Variants in MYO1D observed in about 807,000 individuals in gnomAD.
The protein encoded by MYO1D is myosin ID, also known as unconventional myosin-Id.
A neutral mutation model predicts 122.0 loss-of-function variants in MYO1D; 83 were observed. The ratio of observed to expected loss-of-function variants is 0.68; its 90% CI spans 0.57 to 0.82. The LOEUF is 0.82. MYO1D is among the 40% of genes least tolerant of loss of function. MYO1D has a pLI of 0.00. For missense variants in MYO1D, 1,157 were observed against 1,269.5 expected (o/e 0.91, Z 1.35); for synonymous variants, 464 against 446.9 (o/e 1.04, Z -0.48).
Position 32,653,875 on chromosome 17 carries a change from TG to T in MYO1D, c.2562del (p.Tyr854Ter), listed in dbSNP as rs1567931517. The T allele has an allele frequency of 6.2e-7, 1 of 1,613,992 alleles. No individual in the cohort carries two copies. Among genetic ancestry groups the T allele is most frequent in the Admixed American group, 1.7e-5 (1 of 60,022 alleles). On this transcript the variant is annotated frameshift_variant, in exon 19 of 22. Transcript: ENST00000318217. LOFTEE classifies it high-confidence loss of function. ...ACGTGACAGGAAAAGAGGACATTCATGTATTTGTCCTTCCGTTTCAATTCAT... is the reference window on the plus strand; with the variant it reads ...ACGTGACAGGAAAAGAGGACATTCATTATTTGTCCTTCCGTTTCAATTCAT... Reference protein sequence around the residue: ...VANELKRKDKYMNVLFSCHVR... With the variant: ...VANELKRKDKXMNVLFSCHVR...
chr17:32,747,988 G>T (rs972160181), intron 12 of MYO1D, among the ~76,000 whole-genome samples: 1 of 152,138 alleles, frequency 6.6e-6, no homozygotes, highest in Non-Finnish European at 1.5e-5. Flanking sequence ...CCTCTCTACA[G>T]GAACCTCCAG....
At chr17:32,694,919 T>A (rs1351178206) in intron 16 of MYO1D, among the ~76,000 whole-genome samples, 1 of 152,138 alleles carries the variant, frequency 6.6e-6, no homozygotes, top group Non-Finnish European at 1.5e-5. Flanking sequence ...TCCAGGACTC[T>A]ATGGTGGAAA....
At chr17:32,696,408 T>C (rs946633777) in intron 16 of MYO1D, among the ~76,000 whole-genome samples, 2 of 152,126 alleles carry the variant, frequency 1.3e-5, no homozygotes, top group Admixed American at 1.3e-4. Context: ...ATGGACAGTA[T>C]AATGTGGAAA....
chr17:32,677,369 A>G (rs2088827686), intron 16 of MYO1D, among the ~76,000 whole-genome samples: 1 of 152,108 alleles, frequency 6.6e-6, no homozygotes, highest in African/African-American at 2.4e-5. Context: ...TGAAATGCCC[A>G]CTAAAGCTCT....
intron 21 of MYO1D, among the ~76,000 whole-genome samples, chr17:32,554,778 C>A (rs984181560): frequency 2.0e-5 from 3 of 152,140 alleles, no homozygotes; most frequent in African/African-American, 7.2e-5. Flanking sequence ...GAAACACGTA[C>A]AAATCACAGG....
At chr17:32,751,028 G>A (rs1398183479) in intron 11 of MYO1D, among the ~76,000 whole-genome samples, 1 of 152,090 alleles carries the variant, frequency 6.6e-6, no homozygotes, top group Non-Finnish European at 1.5e-5. Context: ...TTTGGATACT[G>A]CAAAGTTGCA....
intron 20 of MYO1D, among the ~76,000 whole-genome samples, chr17:32,631,565 T>C (rs1192502449): frequency 6.6e-6 from 1 of 152,054 alleles, no homozygotes; most frequent in Non-Finnish European, 1.5e-5. Context: ...CAGGAATGCT[T>C]GATCCCAGGA....
At chr17:32,809,275 C>T (rs1174877773) in intron 1 of MYO1D, among the ~76,000 whole-genome samples, 4 of 151,962 alleles carry the variant, frequency 2.6e-5, no homozygotes, top group Non-Finnish European at 5.9e-5. Context: ...TGTGTCACCA[C>T]ACCCAACTAA....
At chr17:32,806,168 G>A (rs1469100803) in intron 1 of MYO1D, among the ~76,000 whole-genome samples, 1 of 152,094 alleles carries the variant, frequency 6.6e-6, no homozygotes, top group Non-Finnish European at 1.5e-5. Context: ...TTGAGCAGAA[G>A]AATCACTTGA....
rs369956450 is a variant in MYO1D, at chr17:32,764,887, G to C, written c.1026C>G (p.Ala342=). 77 of 1,614,056 alleles carry C rather than the reference G, an allele frequency of 4.8e-5. 1 individual carries two copies. In the African/African-American group the frequency reaches 9.5e-4, roughly 20 times the overall value. ...TCAGTTACACTCTCACCTTGGCAAA[G>C]GCGTCTCTGCCGTAGCTGGCCTCTT... The part of the protein sequence containing the change: ...TEQEASYGRD[A]FAKAIYERLF... The change falls in exon 8 of 22, where the codon GCC becomes GCG. Residue 342 remains alanine (A), a synonymous_variant. Coordinates refer to ENST00000318217, the MANE Select transcript of MYO1D (RefSeq NM_015194.3).
chr17:32,645,140 T>G (rs1290545946), intron 19 of MYO1D, among the ~76,000 whole-genome samples: 1 of 152,226 alleles, frequency 6.6e-6, no homozygotes, highest in Non-Finnish European at 1.5e-5. Context: ...TTTGCTTGTC[T>G]GTAAAGTATT....
intron 21 of MYO1D, chr17:32,594,129 TC>T (rs1329175628): frequency 1.3e-5 from 2 of 154,158 alleles, no homozygotes; most frequent in African/African-American, 4.8e-5. Context: ...TTAAAAAAGG[TC>T]ATCATGATAA....
intron 1 of MYO1D, among the ~76,000 whole-genome samples, chr17:32,834,284 C>T (rs2090801140): frequency 6.6e-6 from 1 of 152,142 alleles, no homozygotes; most frequent in African/African-American, 2.4e-5. Context: ...ATTCATTATT[C>T]CAGTCACTGG....
At chr17:32,631,692 T>C (rs2088009313) in intron 20 of MYO1D, among the ~76,000 whole-genome samples, 1 of 152,012 alleles carries the variant, frequency 6.6e-6, no homozygotes, top group East Asian at 1.9e-4. Context: ...AATTTAAATA[T>C]GTACTGAATA....
intron 7 of MYO1D, among the ~76,000 whole-genome samples, chr17:32,766,807 C>CAAAAAAAA (rs1404877386): frequency 1.3e-5 from 2 of 151,394 alleles, no homozygotes; most frequent in South Asian, 4.2e-4. Context: ...GAAAACAAAA[C>CAAAAAAAA]AACAAAAAAT....
chr17:32,548,121 C>G (rs2086980381), intron 21 of MYO1D, among the ~76,000 whole-genome samples: 1 of 151,848 alleles, frequency 6.6e-6, no homozygotes, highest in African/African-American at 2.4e-5. Context: ...TGGCTCTGGC[C>G]AAAAGTTTGT....
intron 21 of MYO1D, among the ~76,000 whole-genome samples, chr17:32,497,448 C>T (rs1909161446): frequency 6.6e-6 from 1 of 152,112 alleles, no homozygotes; most frequent in Non-Finnish European, 1.5e-5. Flanking sequence ...CAGAGTGAGA[C>T]CTTGTCTCTA....
At chr17:32,541,735 T>C (rs528705096) in intron 21 of MYO1D, among the ~76,000 whole-genome samples, 2 of 152,180 alleles carry the variant, frequency 1.3e-5, no homozygotes, top group African/African-American at 4.8e-5. Flanking sequence ...AGGTACTCGA[T>C]GTGTGCATTC....
rs144351981 is a variant in MYO1D, at chr17:32,845,657, G to A, written c.95+31121C>T. On this transcript the variant is annotated intron_variant, in intron 1 of 21. Transcript: ENST00000318217. ...TCAATACAGTAGCCACGAGCCACATGTGGCTATTAAACTTAAATTAAAGGG... is the reference window on the plus strand; with the variant it reads ...TCAATACAGTAGCCACGAGCCACATATGGCTATTAAACTTAAATTAAAGGG... Among the ~76,000 whole-genome samples the A allele has an allele frequency of 1.1e-3, 168 of 152,320 alleles. 1 individual carries two copies. In the East Asian group the frequency reaches 0.02, roughly 18 times the overall value.
Sources: allele counts gnomAD v4.1 joint callset (sites outside exome capture counted in the v4.1 genomes callset), GRCh38; gene constraint gnomAD v4.1.1; transcripts MANE v1.5; gene names NCBI Gene and HGNC (gene_info 2026-07-23, HGNC 2026-07-21).